The following LIPE variants were observed in gnomAD, a reference collection of about 807,000 sequenced individuals.
LIPE encodes lipase E, hormone sensitive type.
In LIPE, 66 loss-of-function variants were observed where a neutral mutation model predicts 88.5. That is an observed-to-expected ratio of 0.75 (90% CI 0.61 to 0.91). The LOEUF (loss-of-function observed/expected upper bound fraction) is 0.91, where lower values mean the gene tolerates loss of function less well. Among genes scored for constraint, LIPE ranks in the 40% least tolerant of loss-of-function variants. The pLI, the probability that LIPE is intolerant of heterozygous loss-of-function variation, is 0.00. For synonymous variants in LIPE, 570 were observed against 617.5 expected (o/e 0.92, Z 1.14); for missense variants, 1,346 against 1,434.7 (o/e 0.94, Z 1.00).
At chr19:42,412,683 C>G (rs895039670) in intron 1 of LIPE, 1 of 470,804 alleles carries the variant, frequency 2.1e-6, no homozygotes, top group African/African-American at 2.1e-5. Flanking sequence ...AGGCCCCCAG[C>G]CCCTTCATCC....
intron 1 of LIPE, among the ~76,000 whole-genome samples, chr19:42,415,485 C>G (rs756151525): frequency 4.1e-4 from 63 of 152,074 alleles, no homozygotes; most frequent in Non-Finnish European, 7.6e-4. Flanking sequence ...ATTAAAAGTG[C>G]TACTCCAGTG....
rs370516880 is a variant in LIPE, at chr19:42,408,853, G to C, written c.1420-531C>G. On this transcript the variant is annotated intron_variant, in intron 2 of 9. Coordinates refer to ENST00000244289, the MANE Select transcript of LIPE (RefSeq NM_005357.4). This position sits in a 1 kb window ranked among gnomAD's most constrained non-coding sequence, Gnocchi z 4.3. ...AAAAAAAAAAGGTGAGCTCATGCTT[G>C]GTGCTTGACCTGGGTAGCGACAGTC... 2.1e-4 allele frequency among the ~76,000 whole-genome samples: 32 copies of C among 152,042 alleles called. No individual in the cohort carries two copies. The South Asian group carries it at 6.6e-3, about 32-fold the overall frequency.
chr19:42,407,696 C>A lies in LIPE; in HGVS notation c.1752G>T (p.Thr584=). ...GTGGGGGTGAGATGGTGACCGTGAG[C>A]GTGGGGTCGGCAGTCAGTGGCATCT... is the stretch of plus-strand genomic sequence containing the variant. ...AFEMPLTADP[T]LTVTISPPLA... The change falls in exon 5 of 10, where the codon ACG becomes ACT. Residue 584 remains threonine (T), a synonymous_variant. Transcript: ENST00000244289. This position sits in a 1 kb window ranked among gnomAD's most constrained non-coding sequence, Gnocchi z 5.8. 1 of 1,595,676 alleles carries A rather than the reference C, an allele frequency of 6.3e-7. No individual in the cohort carries two copies. The highest frequency in any genetic ancestry group is 8.5e-7 in the Non-Finnish European group (1 of 1,171,664).
intron 1 of LIPE, among the ~76,000 whole-genome samples, chr19:42,421,160 A>G (rs1340478292): frequency 6.6e-6 from 1 of 151,972 alleles, no homozygotes; most frequent in Admixed American, 6.5e-5. Flanking sequence ...TGGCCTCCCA[A>G]AGTGCCAGGA....
At chr19:42,423,226 C>G (rs565216946) in intron 1 of LIPE, 2 of 331,942 alleles carry the variant, frequency 6.0e-6, no homozygotes, top group South Asian at 4.5e-5. Context: ...AGTCCCTGTG[C>G]CAGGGTGGGC....
At chr19:42,404,744 G>A (rs191008299) in intron 8 of LIPE, among the ~76,000 whole-genome samples, 11 of 152,366 alleles carry the variant, frequency 7.2e-5, no homozygotes, top group African/African-American at 2.6e-4. Flanking sequence ...GGCCCAGAGG[G>A]TCACTGGAAC....
At position 42,426,360 on chromosome 19, in the gene LIPE, CT is replaced by C. The variant is rs1433550061; in HGVS notation, c.789del (p.Gly264GlufsTer7). The C allele has an allele frequency of 6.2e-7, 1 of 1,613,836 alleles. No homozygotes were observed. The highest frequency in any genetic ancestry group is 1.7e-5 in the Admixed American group (1 of 59,974). ...GACATCACTTTATAACCAGATTTTC[CT>C]TTGAAGCCTAGCTTCACTCCCTGGG... ...MVAQGVKLGF[K>X]GKSGYKVMSG... On this transcript the variant is annotated frameshift_variant, in exon 1 of 10. Coordinates refer to ENST00000244289, the MANE Select transcript of LIPE (RefSeq NM_005357.4). LOFTEE classifies it high-confidence loss of function.
Position 42,408,151 on chromosome 19 carries a change from C to T in LIPE, c.1511-30G>A, listed in dbSNP as rs771324240. 31 of 1,613,924 alleles carry T rather than the reference C, an allele frequency of 1.9e-5. No homozygotes were observed. The East Asian group carries it at 6.9e-4, about 36-fold the overall frequency. ...GGGTCAGAAGGGGTGTCAGGGAGCC[C>T]CAGTGGGTCAGGCTGCTTGGGCAGG... is the stretch of plus-strand genomic sequence containing the variant. On this transcript the variant is annotated intron_variant, in intron 3 of 9. Coordinates refer to ENST00000244289, the MANE Select transcript of LIPE (RefSeq NM_005357.4). This position sits in a 1 kb window ranked among gnomAD's most constrained non-coding sequence, Gnocchi z 4.3.
At position 42,401,689 on chromosome 19, in the gene LIPE, T is replaced by G; in HGVS notation, c.*123A>C. 2.8e-5 allele frequency: 13 copies of G among 459,014 alleles called. No individual in the cohort carries two copies. The highest frequency in any genetic ancestry group is 1.3e-4 in the East Asian group (2 of 15,948). 28.4% of individuals were successfully genotyped at this position (459,014 alleles called of 1,614,324 possible). On this transcript the variant is annotated 3_prime_UTR_variant, in exon 10 of 10. Coordinates refer to ENST00000244289, the MANE Select transcript of LIPE (RefSeq NM_005357.4). Reference sequence around the variant, plus strand: ...CCCTCCCCGTGGCGAGGGTCTCAGCTTTCGGGCCCCCGCCCCGCCCCCTTG... The same window carrying G: ...CCCTCCCCGTGGCGAGGGTCTCAGCGTTCGGGCCCCCGCCCCGCCCCCTTG...
chr19:42,426,506 A>G lies in LIPE; in HGVS notation c.644T>C (p.Ile215Thr), dbSNP rs757943841. The change falls in exon 1 of 10, where the codon ATA (isoleucine) becomes ACA (threonine). Residue 215 changes from isoleucine to threonine, a missense_variant. Ile to Thr is a moderately conservative substitution (Grantham distance 89). Transcript: ENST00000244289. ...GFLTKLQELS[I>T]QRSALEWKAL... is the part of the protein sequence containing the mutation. Reference sequence around the variant, plus strand: ...CTTCCACTCTAGGGCTGATCGCTGTATGGATAGTTCCTGAAGTTTTGTTAG... The same window carrying G: ...CTTCCACTCTAGGGCTGATCGCTGTGTGGATAGTTCCTGAAGTTTTGTTAG... 8.1e-6 allele frequency: 13 copies of G among 1,614,176 alleles called. No individual in the cohort carries two copies. The highest frequency in any genetic ancestry group is 1.1e-5 in the Non-Finnish European group (13 of 1,180,022).
Position 42,407,392 on chromosome 19 carries a change from G to T in LIPE, c.1919C>A (p.Ala640Glu), listed in dbSNP as rs750580518. ...SLELWPRPQQ[A>E]PRSRSLIVHF... ...CACTATCAGGGACCGCGAGCGGGGT[G>T]CCTGCTGGGGGCGCGGCCACAGCTC... The change falls in exon 6 of 10, where the codon GCA (alanine) becomes GAA (glutamate). Residue 640 changes from alanine (A) to glutamate (E), a missense_variant. Transcript: ENST00000244289. This position sits in a 1 kb window ranked among gnomAD's most constrained non-coding sequence, Gnocchi z 5.8. 7 of 1,613,578 alleles carry T rather than the reference G, an allele frequency of 4.3e-6. No homozygotes were observed. Among genetic ancestry groups the T allele is most frequent in the Non-Finnish European group, 5.9e-6 (7 of 1,179,852 alleles).
intron 1 of LIPE, among the ~76,000 whole-genome samples, chr19:42,413,432 G>C (rs1286086276): frequency 1.3e-5 from 2 of 152,180 alleles, no homozygotes; most frequent in Admixed American, 1.3e-4. Context: ...TTGGGAGGCC[G>C]AGGCGGGCGG....
At chr19:42,418,891 CTTTTGCCT>C (rs562068916) in intron 1 of LIPE, among the ~76,000 whole-genome samples, 179 of 152,262 alleles carry the variant, frequency 1.2e-3, no homozygotes, top group Non-Finnish European at 1.6e-3. Context: ...AGGGCAGGGA[CTTTTGCCT>C]TTTTTATTCA....
Position 42,427,213 on chromosome 19 carries a change from C to G in LIPE, c.-64G>C, listed in dbSNP as rs2040724668. 1 of 1,504,544 alleles carries G rather than the reference C, an allele frequency of 6.6e-7. No homozygotes were observed. Among genetic ancestry groups the G allele is most frequent in the Non-Finnish European group, 8.8e-7 (1 of 1,132,284 alleles). 93.2% of individuals were successfully genotyped at this position (1,504,544 alleles called of 1,614,324 possible). ...CTATCCTTCTGGGCTCCCACCCAGCCCTCTCTCTTCACAGATCTCTCATTG... is the reference window on the plus strand; with the variant it reads ...CTATCCTTCTGGGCTCCCACCCAGCGCTCTCTCTTCACAGATCTCTCATTG... On this transcript the variant is annotated 5_prime_UTR_variant, in exon 1 of 10. Coordinates refer to ENST00000244289, the MANE Select transcript of LIPE (RefSeq NM_005357.4).
chr19:42,402,731 C>T lies in LIPE; in HGVS notation c.2843G>A (p.Arg948Gln). 1 of 1,561,470 alleles carries T rather than the reference C, an allele frequency of 6.4e-7. No individual in the cohort carries two copies. Among genetic ancestry groups the T allele is most frequent in the South Asian group, 1.2e-5 (1 of 84,118 alleles). ...CTGTGTGGCACCCTGGCTGGAGCGT[C>T]GGGGGTGGAAACCCTCGGGGAAGGC... ...RAAFPEGFHP[R>Q]RSSQGATQMP... is the part of the protein sequence containing the mutation. The change falls in exon 9 of 10, where the codon CGA becomes CAA. Residue 948 changes from arginine to glutamine, a missense_variant. Arg to Gln is a conservative substitution (Grantham distance 43). Transcript: ENST00000244289.
intron 7 of LIPE, chr19:42,405,906 G>A (rs2093865271): frequency 1.8e-6 from 1 of 559,954 alleles, no homozygotes; most frequent in Middle Eastern, 4.7e-4. Context: ...GCTGCAGTGA[G>A]GTGTGTTTGA....
rs566019353 is a variant in LIPE, at chr19:42,408,862, C to T, written c.1420-540G>A. Among the ~76,000 whole-genome samples, 252 of 151,212 alleles carry T rather than the reference C, an allele frequency of 1.7e-3. No individual in the cohort carries two copies. Among genetic ancestry groups the T allele is most frequent in the African/African-American group, 5.7e-3 (234 of 41,274 alleles). ...AGGTGAGCTCATGCTTGGTGCTTGA[C>T]CTGGGTAGCGACAGTCAGGGGGCCA... On this transcript the variant is annotated intron_variant, in intron 2 of 9. Transcript: ENST00000244289. The surrounding 1 kb of genome is among the most constrained non-coding windows in gnomAD (Gnocchi z 4.3).
chr19:42,426,157 T>G, intron 1 of LIPE, 110 bp downstream of exon 1: 1 of 808,590 alleles, frequency 1.2e-6, no homozygotes, highest in Non-Finnish European at 1.8e-6. Context: ...TATCTCAGGA[T>G]TGTTGAAGGA....
chr19:42,409,450 T>C (rs940104962), intron 2 of LIPE, among the ~76,000 whole-genome samples: 1 of 142,148 alleles, frequency 7.0e-6, no homozygotes, highest in African/African-American at 2.6e-5. Context: ...TTAGAGGAAA[T>C]GGAGCCATAG....
Sources: allele counts gnomAD v4.1 joint callset (sites outside exome capture counted in the v4.1 genomes callset), GRCh38; gene constraint gnomAD v4.1.1; non-coding constraint Gnocchi (gnomAD v3.1); transcripts MANE v1.5; gene names NCBI Gene and HGNC (gene_info 2026-07-23, HGNC 2026-07-21).